The following GSE1 variants were observed in gnomAD, a reference collection of about 807,000 sequenced individuals.
The protein encoded by GSE1 is Gse1 coiled-coil protein.
In GSE1, 32 loss-of-function variants were observed where a neutral mutation model predicts 112.6. The ratio of observed to expected loss-of-function variants is 0.28; its 90% CI spans 0.21 to 0.38. GSE1 has a LOEUF of 0.38. GSE1 is among the 10% of genes least tolerant of loss of function. GSE1 has a pLI of 1.00. For synonymous variants in GSE1, 1,115 were observed against 735.6 expected (o/e 1.52, Z -8.35); for missense variants, 2,348 against 1,699.2 (o/e 1.38, Z -6.71).
intron 2 of GSE1, among the ~76,000 whole-genome samples, chr16:85,516,275 GCTCTA>G (rs2051932783): frequency 6.6e-6 from 1 of 152,040 alleles, no homozygotes; most frequent in Non-Finnish European, 1.5e-5. Context: ...GCAGGCTGCT[GCTCTA>G]CCTGTGACCT....
Position 85,418,974 on chromosome 16 carries a change from G to A in GSE1, c.2464+61331G>A, listed in dbSNP as rs931850782. Among the ~76,000 whole-genome samples, 25 of 152,318 alleles carry A rather than the reference G, an allele frequency of 1.6e-4. 1 individual carries two copies. Among genetic ancestry groups the A allele is most frequent in the Non-Finnish European group, 7.4e-5 (5 of 68,026 alleles). ...TGCCAGGAGGAGCAGGTTTGGGGGT[G>A]GGAGAGGCGCTGGAGCTCCGTCCTG... On this transcript the variant is annotated intron_variant, in intron 2 of 2. Transcript: ENST00000637419.
At chr16:85,236,162 G>A (rs1449371268) in intron 1 of GSE1, among the ~76,000 whole-genome samples, 1 of 152,196 alleles carries the variant, frequency 6.6e-6, no homozygotes, top group Non-Finnish European at 1.5e-5. Context: ...GCCGGGCTCG[G>A]GTTTCTCCTG....
At chr16:85,293,316 C>T (rs982192283) in intron 1 of GSE1, among the ~76,000 whole-genome samples, 25 of 152,168 alleles carry the variant, frequency 1.6e-4, no homozygotes, top group African/African-American at 5.5e-4. Flanking sequence ...GAGGCCGAGG[C>T]GGGTGCATCA....
intron 9 of GSE1, chr16:85,662,582 C>CTG (rs202127036): frequency 0.022 from 4,118 of 186,426 alleles, 131 homozygotes; most frequent in African/African-American, 0.065. Context: ...GAGCTCAGGC[C>CTG]TGTGTGTGCC....
intron 1 of GSE1, among the ~76,000 whole-genome samples, chr16:85,257,266 C>T (rs539484996): frequency 1.1e-4 from 16 of 152,242 alleles, no homozygotes; most frequent in Non-Finnish European, 1.5e-4. Context: ...CCTGCCACCA[C>T]GCCTGGCTAA....
chr16:85,657,235 C>A, intron 7 of GSE1, 42 bp from the exon 8 acceptor site: 1 of 1,359,274 alleles, frequency 7.4e-7, no homozygotes, highest in Non-Finnish European at 1.0e-6. Context: ...GCATGCTGGC[C>A]CACGTGGCTG....
chr16:85,303,142 G>A (rs1177617300), intron 1 of GSE1, among the ~76,000 whole-genome samples: 2 of 152,244 alleles, frequency 1.3e-5, no homozygotes, highest in Admixed American at 1.3e-4. Context: ...GGCCGTTGTT[G>A]CCCAGCCCGG....
intron 1 of GSE1, among the ~76,000 whole-genome samples, chr16:85,605,522 G>T (rs932310807): frequency 5.3e-5 from 8 of 152,056 alleles, no homozygotes; most frequent in African/African-American, 1.9e-4. Context: ...TCTCTCTATT[G>T]TCTTGTCTGG....
At chr16:85,221,462 CAG>C (rs1187399986) in intron 1 of GSE1, among the ~76,000 whole-genome samples, 1 of 152,112 alleles carries the variant, frequency 6.6e-6, no homozygotes, top group Non-Finnish European at 1.5e-5. Flanking sequence ...CACACACACA[CAG>C]ACGCACACAG....
At position 85,361,924 on chromosome 16, in the gene GSE1, C is replaced by T. The variant is rs549304183; in HGVS notation, c.2464+4281C>T. Among the ~76,000 whole-genome samples the T allele has an allele frequency of 1.1e-4, 16 of 152,230 alleles. No individual in the cohort carries two copies. In the South Asian group the frequency reaches 2.5e-3, roughly 24 times the overall value. On this transcript the variant is annotated intron_variant, in intron 2 of 2. Coordinates refer to the GSE1 transcript ENST00000637419. ...CACTACGGTCGGATAGGGCCACTGC[C>T]GTGTCCAGAGTGGGGCCACTCCCGG... is the stretch of plus-strand genomic sequence containing the variant.
At chr16:85,397,362 T>C (rs554840155) in intron 2 of GSE1, among the ~76,000 whole-genome samples, 2 of 152,348 alleles carry the variant, frequency 1.3e-5, no homozygotes, top group East Asian at 3.9e-4. Context: ...GTCTACTCGC[T>C]GATGCAGGTG....
At chr16:85,194,204 C>T (rs1013213271) in intron 1 of GSE1, among the ~76,000 whole-genome samples, 8 of 152,160 alleles carry the variant, frequency 5.3e-5, no homozygotes, top group South Asian at 2.1e-4. Flanking sequence ...CGTGTCCGGG[C>T]GCCCTTGTGG....
At chr16:85,523,200 G>T (rs559090626) in intron 2 of GSE1, among the ~76,000 whole-genome samples, 1 of 151,358 alleles carries the variant, frequency 6.6e-6, no homozygotes, top group Admixed American at 6.6e-5. Context: ...CTGTGTGTGT[G>T]CACGTGTGCC....
At chr16:85,205,422 G>A (rs986444324) in intron 1 of GSE1, among the ~76,000 whole-genome samples, 20 of 152,210 alleles carry the variant, frequency 1.3e-4, no homozygotes, top group African/African-American at 4.1e-4. Context: ...ATGAGCCACC[G>A]CGCCCAGCCT....
chr16:85,547,332 G>C (rs1412681937), intron 2 of GSE1, among the ~76,000 whole-genome samples: 1 of 152,180 alleles, frequency 6.6e-6, no homozygotes, highest in Non-Finnish European at 1.5e-5. Context: ...TGAAATCCAT[G>C]TGTCAGCGGG....
chr16:85,616,333 T>C (rs1041675427), intron 1 of GSE1, among the ~76,000 whole-genome samples: 8 of 152,248 alleles, frequency 5.3e-5, no homozygotes, highest in African/African-American at 1.9e-4. Flanking sequence ...AGAGTGCGGA[T>C]AAGCTAGAGG....
intron 2 of GSE1, among the ~76,000 whole-genome samples, chr16:85,385,299 G>A (rs1685009483): frequency 6.6e-6 from 1 of 152,196 alleles, no homozygotes; most frequent in Non-Finnish European, 1.5e-5. Context: ...GTGCAGGCAG[G>A]GCTCCTCTCA....
Position 85,657,460 on chromosome 16 carries a change from C to CGCGGCA in GSE1, c.1502_1507dup (p.Gln501_Arg502dup). The CGCGGCA allele has an allele frequency of 6.2e-7, 1 of 1,609,308 alleles. No homozygotes were observed. Among genetic ancestry groups the CGCGGCA allele is most frequent in the Non-Finnish European group, 8.5e-7 (1 of 1,178,668 alleles). Reference sequence around the variant, plus strand: ...ACCAATGAGGAGGAGAAGTGGCTGGCGCGGCAGCGGCGGCTGCGGCAGGAG... The same window carrying CGCGGCA: ...ACCAATGAGGAGGAGAAGTGGCTGGCGCGGCAGCGGCAGCGGCGGCTGCGGCAGGAG... On this transcript the variant is annotated inframe_insertion, in exon 8 of 16. Transcript: ENST00000253458.
intron 2 of GSE1, 91 bp downstream of exon 2, chr16:85,634,223 A>G: frequency 2.2e-6 from 2 of 895,772 alleles, no homozygotes; most frequent in Non-Finnish European, 1.6e-6. Context: ...CGCTCACAGC[A>G]GGTCTCGTCT....
Sources: allele counts gnomAD v4.1 joint callset (sites outside exome capture counted in the v4.1 genomes callset), GRCh38; gene constraint gnomAD v4.1.1; transcripts MANE v1.5; gene names NCBI Gene and HGNC (gene_info 2026-07-23, HGNC 2026-07-21).